The following IQCJ variants were observed in gnomAD, a reference collection of about 807,000 sequenced individuals.
IQCJ encodes IQ domain-containing protein J.
IQCJ carries 9 observed loss-of-function variants against 11.0 expected under a neutral mutation model. The observed-to-expected ratio is 0.82, with a 90% confidence interval of 0.49 to 1.43. The LOEUF (loss-of-function observed/expected upper bound fraction) is 1.43. Among genes scored for constraint, IQCJ ranks in the 40% most tolerant of loss-of-function variants. IQCJ has a pLI of 0.00. For synonymous variants in IQCJ, 55 were observed against 51.3 expected, an observed-to-expected ratio of 1.07 and a Z score of -0.31; for missense variants, 146 against 133.2, an observed-to-expected ratio of 1.10 and a Z score of -0.47.
chr3:159,169,615 T>C (rs1722385362), intron 1 of IQCJ, among the ~76,000 whole-genome samples: 1 of 152,144 alleles, frequency 6.6e-6, no homozygotes, highest in South Asian at 2.1e-4. Context: ...AATCACAGCA[T>C]AGCTGTAGCA....
intron 1 of IQCJ, among the ~76,000 whole-genome samples, chr3:159,213,859 T>C (rs983696195): frequency 6.6e-6 from 1 of 152,178 alleles, no homozygotes; most frequent in African/African-American, 2.4e-5. Context: ...TGGCCTCTTT[T>C]TGGAAACTCC....
chr3:159,076,966 T>A (rs1307018516), intron 1 of IQCJ, among the ~76,000 whole-genome samples: 1 of 152,120 alleles, frequency 6.6e-6, no homozygotes, highest in Non-Finnish European at 1.5e-5. Flanking sequence ...ATAAAGTACT[T>A]AGAACAGTGC....
intron 1 of IQCJ, among the ~76,000 whole-genome samples, chr3:159,089,511 G>A (rs1415667706): frequency 6.6e-6 from 1 of 151,966 alleles, no homozygotes; most frequent in Non-Finnish European, 1.5e-5. Flanking sequence ...ATCCTGCAGA[G>A]TGTTTTCCAG....
At chr3:159,207,647 A>G (rs753290608) in intron 1 of IQCJ, among the ~76,000 whole-genome samples, 9 of 152,208 alleles carry the variant, frequency 5.9e-5, no homozygotes, top group Non-Finnish European at 1.2e-4. Flanking sequence ...TGTAAATAAG[A>G]TTTCTGATCA....
chr3:159,152,997 T>G (rs1721315077), intron 1 of IQCJ, among the ~76,000 whole-genome samples: 1 of 152,186 alleles, frequency 6.6e-6, no homozygotes, highest in Admixed American at 6.5e-5. Flanking sequence ...AAAAATTATT[T>G]TGAGTTCCTT....
chr3:159,252,856 A>C, intron 3 of IQCJ, 49 bp downstream of exon 3: 1 of 1,558,468 alleles, frequency 6.4e-7, no homozygotes, highest in Non-Finnish European at 8.7e-7. Context: ...AGTTTTATGA[A>C]TTCCTGAATA....
chr3:159,191,478 G>A (rs564003370), intron 1 of IQCJ, among the ~76,000 whole-genome samples: 2 of 152,030 alleles, frequency 1.3e-5, no homozygotes, highest in African/African-American at 2.4e-5. Flanking sequence ...AGGGTGGGAG[G>A]GTGATACTTC....
chr3:159,193,979 G>C (rs1560020718), intron 1 of IQCJ, among the ~76,000 whole-genome samples: 1 of 152,144 alleles, frequency 6.6e-6, no homozygotes, highest in South Asian at 2.1e-4. Context: ...GATTTTCAAG[G>C]GGTATAGATG....
intron 1 of IQCJ, among the ~76,000 whole-genome samples, chr3:159,173,795 A>T (rs1231034729): frequency 6.6e-6 from 1 of 152,154 alleles, no homozygotes; most frequent in Non-Finnish European, 1.5e-5. Flanking sequence ...ATTTTACTAC[A>T]GAATGTATGA....
chr3:159,167,597 G>A (rs542940261), intron 1 of IQCJ, among the ~76,000 whole-genome samples: 10 of 152,262 alleles, frequency 6.6e-5, no homozygotes, highest in Non-Finnish European at 1.3e-4. Context: ...CATTTAAAGC[G>A]TCATGAATTG....
intron 1 of IQCJ, among the ~76,000 whole-genome samples, chr3:159,178,300 G>A (rs1486949757): frequency 3.9e-5 from 6 of 152,130 alleles, no homozygotes; most frequent in Non-Finnish European, 8.8e-5. Flanking sequence ...AAGATATATT[G>A]CACATCTTGG....
At chr3:159,246,251 C>T (rs568830655) in intron 2 of IQCJ, among the ~76,000 whole-genome samples, 1 of 152,222 alleles carries the variant, frequency 6.6e-6, no homozygotes, top group East Asian at 1.9e-4. Flanking sequence ...AAAGCTAACA[C>T]TAAGACTAAC....
At chr3:159,109,093 A>G (rs1218468719) in intron 1 of IQCJ, among the ~76,000 whole-genome samples, 1 of 152,222 alleles carries the variant, frequency 6.6e-6, no homozygotes, top group East Asian at 1.9e-4. Flanking sequence ...AGCTCTAGAC[A>G]TGAGATCTCC....
intron 1 of IQCJ, among the ~76,000 whole-genome samples, chr3:159,242,536 G>C (rs1259415422): frequency 2.0e-5 from 3 of 148,656 alleles, no homozygotes; most frequent in Non-Finnish European, 3.0e-5. Context: ...GAAGAAGGAA[G>C]ACCAAACATT....
At chr3:159,179,274 AT>A (rs1722958692) in intron 1 of IQCJ, among the ~76,000 whole-genome samples, 1 of 152,176 alleles carries the variant, frequency 6.6e-6, no homozygotes, top group Non-Finnish European at 1.5e-5. Flanking sequence ...GTTTGGGACT[AT>A]TTAACAGTTC....
intron 1 of IQCJ, among the ~76,000 whole-genome samples, chr3:159,168,785 C>T (rs1355377886): frequency 6.6e-6 from 1 of 151,558 alleles, no homozygotes; most frequent in Non-Finnish European, 1.5e-5. Flanking sequence ...ACTCTTGAAA[C>T]AAAACACTTT....
At chr3:159,239,649 G>A (rs995915800) in intron 1 of IQCJ, among the ~76,000 whole-genome samples, 1 of 152,162 alleles carries the variant, frequency 6.6e-6, no homozygotes, top group African/African-American at 2.4e-5. Context: ...TTCTGTATCA[G>A]AGCAGCTTCA....
intron 1 of IQCJ, among the ~76,000 whole-genome samples, chr3:159,128,443 C>A (rs1448980243): frequency 6.6e-6 from 1 of 152,162 alleles, no homozygotes; most frequent in Non-Finnish European, 1.5e-5. Context: ...AGAAATATGT[C>A]TTTTCCTCTG....
chr3:159,162,699 G>A (rs1721935255), intron 1 of IQCJ, among the ~76,000 whole-genome samples: 1 of 152,122 alleles, frequency 6.6e-6, no homozygotes, highest in African/African-American at 2.4e-5. Flanking sequence ...GAAGAAAAGA[G>A]AGAAGAATCA....
Sources: gnomAD v4.1 joint callset for allele counts (sites outside exome capture counted in the v4.1 genomes callset) on GRCh38, gnomAD v4.1.1 for gene constraint, MANE v1.5 for transcripts, NCBI Gene and HGNC (gene_info 2026-07-23, HGNC 2026-07-21) for gene names.